PCNX2: variants seen among roughly 807,000 people sequenced by gnomAD.
PCNX2 encodes the protein pecanex 2, also known as pecanex-like protein 2.
PCNX2 carries 168 observed loss-of-function variants against 223.8 expected under a neutral mutation model. The ratio of observed to expected loss-of-function variants is 0.75; its 90% CI spans 0.66 to 0.85. The LOEUF (loss-of-function observed/expected upper bound fraction) is 0.85. Among genes scored for constraint, PCNX2 ranks in the 40% least tolerant of loss-of-function variants. The pLI, the probability that PCNX2 is intolerant of heterozygous loss-of-function variation, is 0.00. For synonymous variants in PCNX2, 1,006 were observed against 1,052.6 expected (o/e 0.96, Z 0.86); for missense variants, 2,507 against 2,675.5 (o/e 0.94, Z 1.39).
intron 23 of PCNX2, among the ~76,000 whole-genome samples, chr1:233,072,455 G>A (rs1350524160): frequency 6.6e-6 from 1 of 151,978 alleles, no homozygotes; most frequent in East Asian, 1.9e-4. Context: ...TTATTTCTGG[G>A]TTTTCTATTC....
intron 15 of PCNX2, among the ~76,000 whole-genome samples, chr1:233,195,227 T>C (rs192922468): frequency 4.5e-4 from 69 of 152,304 alleles, no homozygotes; most frequent in African/African-American, 1.6e-3. Flanking sequence ...CAATATGGTC[T>C]TCTCAATAGA....
At chr1:233,044,034 AG>A (rs1342032700) in intron 25 of PCNX2, among the ~76,000 whole-genome samples, 1 of 151,518 alleles carries the variant, frequency 6.6e-6, no homozygotes, top group Non-Finnish European at 1.5e-5. Context: ...ACAGTGTAAA[AG>A]TGTTCCTATT....
intron 10 of PCNX2, among the ~76,000 whole-genome samples, chr1:233,226,662 C>T (rs1657740752): frequency 6.6e-6 from 1 of 152,078 alleles, no homozygotes; most frequent in Non-Finnish European, 1.5e-5. Context: ...CTGTATGGAA[C>T]AGTGGTAGGA....
intron 10 of PCNX2, among the ~76,000 whole-genome samples, chr1:233,218,529 C>T (rs1002830046): frequency 4.6e-5 from 7 of 152,026 alleles, no homozygotes; most frequent in Admixed American, 6.5e-5. Flanking sequence ...GGATTACAGG[C>T]GTGAGCCACC....
At chr1:233,230,937 T>C (rs1658024150) in intron 9 of PCNX2, among the ~76,000 whole-genome samples, 1 of 152,212 alleles carries the variant, frequency 6.6e-6, no homozygotes, top group South Asian at 2.1e-4. Flanking sequence ...ATTCTACTGT[T>C]CAAATAATGC....
chr1:233,256,138 C>T (rs1278588453), intron 5 of PCNX2, among the ~76,000 whole-genome samples: 22 of 152,182 alleles, frequency 1.4e-4, no homozygotes, highest in Admixed American at 1.4e-3. Flanking sequence ...CACACAACCT[C>T]AATTTCCAGT....
intron 9 of PCNX2, among the ~76,000 whole-genome samples, chr1:233,233,601 T>C (rs1658203645): frequency 6.6e-6 from 1 of 152,086 alleles, no homozygotes; most frequent in African/African-American, 2.4e-5. Context: ...CCTCTGGCCT[T>C]GGCTCACCTC....
chr1:233,262,138 T>G lies in PCNX2; in HGVS notation c.387A>C (p.Lys129Asn), dbSNP rs1660086766. ...PSNNRQIHNG[K>N]KEEASRNLST... ...AGAGGTTTCGACTGGCCTCTTCCTT[T>G]TTGCCATTGTGAATCTGCCTATTAT... The change falls in exon 3 of 34, where the codon AAA (lysine) becomes AAC (asparagine). Residue 129 changes from lysine (K) to asparagine (N), a missense_variant. This residue lies in a region of PCNX2 where 1,031 missense variants were observed against 1,021.7 expected (regional missense o/e 1.01). Coordinates refer to ENST00000258229, the MANE Select transcript of PCNX2 (RefSeq NM_014801.4). 1 of 1,613,654 alleles carries G rather than the reference T, an allele frequency of 6.2e-7. No individual in the cohort carries two copies. The highest frequency in any genetic ancestry group is 1.3e-5 in the African/African-American group (1 of 74,890).
intron 4 of PCNX2, 121 bp downstream of exon 4, chr1:233,261,164 C>A: frequency 1.2e-6 from 1 of 858,762 alleles, no homozygotes. Flanking sequence ...CAAAATATAA[C>A]TATGCAGTCT....
chr1:233,117,431 A>C (rs1675475640), intron 21 of PCNX2, among the ~76,000 whole-genome samples: 1 of 151,650 alleles, frequency 6.6e-6, no homozygotes, highest in Non-Finnish European at 1.5e-5. Context: ...GGAGATCTAG[A>C]CCATCCTGGC....
intron 25 of PCNX2, among the ~76,000 whole-genome samples, chr1:233,029,055 G>C (rs911090622): frequency 5.3e-5 from 8 of 152,028 alleles, no homozygotes; most frequent in African/African-American, 1.7e-4. Context: ...GGCCAGGCTG[G>C]TCTTGAACTC....
At chr1:232,997,037 T>C (rs1669899008) in intron 32 of PCNX2, among the ~76,000 whole-genome samples, 1 of 152,232 alleles carries the variant, frequency 6.6e-6, no homozygotes, top group African/African-American at 2.4e-5. Context: ...CAGTGAAGGT[T>C]GATGAAAGCC....
intron 23 of PCNX2, among the ~76,000 whole-genome samples, chr1:233,067,505 GCT>G (rs1315934476): frequency 9.3e-5 from 14 of 150,546 alleles, no homozygotes; most frequent in Non-Finnish European, 2.1e-4. Context: ...ACAGAGTCTT[GCT>G]CTGTCATCCG....
At chr1:233,219,263 T>C (rs1233002001) in intron 10 of PCNX2, among the ~76,000 whole-genome samples, 1 of 149,392 alleles carries the variant, frequency 6.7e-6, no homozygotes, top group African/African-American at 2.6e-5. Context: ...AAGAGAAATA[T>C]GGTGGGGCAA....
chr1:233,086,140 G>T (rs571223257), intron 23 of PCNX2, among the ~76,000 whole-genome samples: 29 of 152,282 alleles, frequency 1.9e-4, no homozygotes, highest in Middle Eastern at 6.8e-3. Flanking sequence ...GGTGTGGACA[G>T]GAAATGAAGA....
Position 233,212,770 on chromosome 1 carries a change from T to C in PCNX2, c.2692-4081A>G, listed in dbSNP as rs183367757. Among the ~76,000 whole-genome samples the C allele has an allele frequency of 2.6e-5, 4 of 152,376 alleles. No homozygotes were observed. The East Asian group carries it at 7.7e-4, about 29-fold the overall frequency. On this transcript the variant is annotated intron_variant, in intron 12 of 33. Coordinates refer to ENST00000258229, the MANE Select transcript of PCNX2 (RefSeq NM_014801.4). ...GGTTTCTGTTTTAACTACTACTGTT[T>C]TGAGCAAAGACACAATTGAATATTA... is the stretch of plus-strand genomic sequence containing the variant.
intron 32 of PCNX2, among the ~76,000 whole-genome samples, chr1:232,996,369 C>T (rs1426961075): frequency 6.6e-6 from 1 of 152,176 alleles, no homozygotes; most frequent in East Asian, 1.9e-4. Flanking sequence ...TTGCATTTCC[C>T]CACCTGGAAA....
intron 9 of PCNX2, among the ~76,000 whole-genome samples, chr1:233,235,880 G>A (rs1658356416): frequency 6.7e-6 from 1 of 148,598 alleles, no homozygotes; most frequent in Non-Finnish European, 1.5e-5. Flanking sequence ...GGGATTACAG[G>A]CGTGAGCCAC....
intron 26 of PCNX2, among the ~76,000 whole-genome samples, chr1:233,023,515 C>T (rs1298530782): frequency 6.6e-6 from 1 of 152,198 alleles, no homozygotes; most frequent in African/African-American, 2.4e-5. Flanking sequence ...ATTTTGGAAG[C>T]TACCATACCA....
Sources: gnomAD v4.1 joint callset for allele counts (sites outside exome capture counted in the v4.1 genomes callset) on GRCh38, gnomAD v4.1.1 for gene constraint, gnomAD v4.1.1 regional missense constraint, MANE v1.5 for transcripts, NCBI Gene and HGNC (gene_info 2026-07-23, HGNC 2026-07-21) for gene names.